UMAD1: variants seen among roughly 807,000 people sequenced by gnomAD.
UMAD1 encodes the protein UBAP1-MVB12-associated (UMA)-domain containing protein 1.
UMAD1 carries 8 observed loss-of-function variants against 6.1 expected under a neutral mutation model. The ratio of observed to expected loss-of-function variants is 1.30; its 90% CI spans 0.76 to 2.35. UMAD1 has a LOEUF of 2.35. UMAD1 is among the 30% of genes most tolerant of loss of function. The pLI is 0.00. For synonymous variants in UMAD1, 56 were observed against 31.4 expected (o/e 1.78, Z -2.61); for missense variants, 130 against 78.4 (o/e 1.66, Z -2.49).
intron 3 of UMAD1, among the ~76,000 whole-genome samples, chr7:7,864,495 G>A (rs1415169945): frequency 1.3e-5 from 2 of 151,640 alleles, no homozygotes; most frequent in Admixed American, 1.3e-4. Context: ...AAGCAGATGG[G>A]GACAACGCAG....
At chr7:7,656,400 G>T (rs939336721) in intron 1 of UMAD1, among the ~76,000 whole-genome samples, 3 of 152,048 alleles carry the variant, frequency 2.0e-5, no homozygotes, top group African/African-American at 7.2e-5. Context: ...ACGTGCCATG[G>T]TGGTTTGCTG....
chr7:7,663,275 T>C (rs1583707200), intron 1 of UMAD1, among the ~76,000 whole-genome samples: 1 of 124,034 alleles, frequency 8.1e-6, no homozygotes, highest in South Asian at 2.7e-4. Flanking sequence ...AAATCTAAGA[T>C]AGTTTTTTCT....
At position 7,877,541 on chromosome 7, in the gene UMAD1, T is replaced by C; in HGVS notation, c.*3T>C. The C allele has an allele frequency of 1.4e-6, 1 of 716,802 alleles. No homozygotes were observed. The allele number at this position is 716,802 out of a possible 1,614,324, so 44.4% of individuals were successfully genotyped here. ...ATTCAGTGCTCTGTGATTCATAACC[T>C]TTATGTCTGTTTGCACCTTAACAGC... On this transcript the variant is annotated 3_prime_UTR_variant, in exon 4 of 4. Coordinates refer to ENST00000682710, the MANE Select transcript of UMAD1 (RefSeq NM_001302348.2).
intron 1 of UMAD1, among the ~76,000 whole-genome samples, chr7:7,652,747 C>T (rs1199924294): frequency 2.6e-5 from 4 of 152,188 alleles, no homozygotes; most frequent in African/African-American, 9.6e-5. Context: ...AAATAGTGAA[C>T]AAACAAATGA....
At chr7:7,839,099 A>G (rs1057029854) in intron 3 of UMAD1, among the ~76,000 whole-genome samples, 1 of 152,156 alleles carries the variant, frequency 6.6e-6, no homozygotes. Flanking sequence ...TGATTGTTGT[A>G]TTTTATTCTT....
intron 3 of UMAD1, among the ~76,000 whole-genome samples, chr7:7,857,228 C>T (rs1357476281): frequency 6.6e-6 from 1 of 152,192 alleles, no homozygotes; most frequent in Non-Finnish European, 1.5e-5. Context: ...CCCTTTTCTT[C>T]CACAGTTAAG....
chr7:7,825,298 T>C lies in UMAD1; in HGVS notation c.156+23555T>C, dbSNP rs373378246. 3.2e-4 allele frequency among the ~76,000 whole-genome samples: 49 copies of C among 152,332 alleles called. No individual in the cohort carries two copies. In the South Asian group the frequency reaches 9.1e-3, roughly 28 times the overall value. ...ATATTGATACGTTAAAGTGTAACTC[T>C]TCTCAGATAGCATTTTTATTTTTAC... On this transcript the variant is annotated intron_variant, in intron 3 of 3. Coordinates refer to ENST00000682710, the MANE Select transcript of UMAD1 (RefSeq NM_001302348.2).
At chr7:7,799,160 A>G (rs1782748114) in intron 2 of UMAD1, among the ~76,000 whole-genome samples, 1 of 152,246 alleles carries the variant, frequency 6.6e-6, no homozygotes. Flanking sequence ...ATAATAAAAT[A>G]ATTCTTCAAG....
intron 2 of UMAD1, among the ~76,000 whole-genome samples, chr7:7,686,239 G>T (rs1780039030): frequency 6.6e-6 from 1 of 152,094 alleles, no homozygotes; most frequent in Admixed American, 6.6e-5. Flanking sequence ...TGATACATAG[G>T]CAGGGCCAGT....
intron 2 of UMAD1, among the ~76,000 whole-genome samples, chr7:7,784,825 G>A (rs796788211): frequency 5.5e-5 from 7 of 128,246 alleles, no homozygotes; most frequent in African/African-American, 1.6e-4. Context: ...GCAGTGGCGC[G>A]ATCTCGGCTC....
At chr7:7,785,576 T>G (rs1782447278) in intron 2 of UMAD1, among the ~76,000 whole-genome samples, 2 of 151,314 alleles carry the variant, frequency 1.3e-5, no homozygotes, top group Admixed American at 1.3e-4. Flanking sequence ...TAAGAAAGAG[T>G]AGGAGAATGG....
At chr7:7,811,469 G>C (rs763886717) in intron 3 of UMAD1, among the ~76,000 whole-genome samples, 12 of 152,080 alleles carry the variant, frequency 7.9e-5, no homozygotes, top group Non-Finnish European at 1.2e-4. Flanking sequence ...TAACAAAATA[G>C]AAAGTGCACT....
At chr7:7,801,854 G>T (rs1782806477) in intron 3 of UMAD1, 111 bp downstream of exon 3, 4 of 642,248 alleles carry the variant, frequency 6.2e-6, no homozygotes, top group Non-Finnish European at 1.1e-5. Context: ...ATAGGTGCCT[G>T]AATACAGGGA....
chr7:7,778,275 T>TGTGA (rs1271237125), intron 2 of UMAD1, among the ~76,000 whole-genome samples: 1,691 of 110,244 alleles, frequency 0.015, 36 homozygotes, highest in Non-Finnish European at 0.022. Flanking sequence ...TGTGTGTGTG[T>TGTGA]GAGAGAGAGA....
At chr7:7,683,631 C>CT (rs993475463) in intron 2 of UMAD1, among the ~76,000 whole-genome samples, 1 of 150,330 alleles carries the variant, frequency 6.7e-6, no homozygotes, top group Non-Finnish European at 1.5e-5. Flanking sequence ...TTTTCCTTTT[C>CT]TTTTTTTTAG....
chr7:7,713,795 G>A (rs28912685), intron 2 of UMAD1, among the ~76,000 whole-genome samples: 311 of 151,890 alleles, frequency 2.0e-3, no homozygotes, highest in Admixed American at 4.0e-3. Context: ...ATTTCCATTC[G>A]TTTGTCATTT....
intron 2 of UMAD1, among the ~76,000 whole-genome samples, chr7:7,787,817 TA>T (rs1407832380): frequency 6.6e-6 from 1 of 152,210 alleles, no homozygotes; most frequent in African/African-American, 2.4e-5. Context: ...AATTTCACAT[TA>T]GGGTTATGAT....
chr7:7,709,798 A>T (rs980387144), intron 2 of UMAD1, among the ~76,000 whole-genome samples: 1 of 152,094 alleles, frequency 6.6e-6, no homozygotes, highest in African/African-American at 2.4e-5. Context: ...TTTTTAAATA[A>T]TGAGAACATA....
At chr7:7,672,252 C>T (rs13231388) in intron 1 of UMAD1, among the ~76,000 whole-genome samples, 97,189 of 151,962 alleles carry the variant, frequency 0.64, 31,429 homozygotes, top group East Asian at 0.87. Flanking sequence ...TCCTATGTGT[C>T]CTTGCAAGTA....
Sources: gnomAD v4.1 joint callset for allele counts (sites outside exome capture counted in the v4.1 genomes callset) on GRCh38, gnomAD v4.1.1 for gene constraint, MANE v1.5 for transcripts, NCBI Gene and HGNC (gene_info 2026-07-23, HGNC 2026-07-21) for gene names.